Variants in NOL9 observed in about 807,000 individuals in gnomAD.
NOL9 encodes polynucleotide 5'-hydroxyl-kinase NOL9.
NOL9 carries 28 observed loss-of-function variants against 67.9 expected under a neutral mutation model. That is an observed-to-expected ratio of 0.41 (90% confidence interval 0.31 to 0.57). The LOEUF (loss-of-function observed/expected upper bound fraction) is 0.57, where lower values mean the gene tolerates loss of function less well. Among genes scored for constraint, NOL9 ranks in the 20% least tolerant of loss-of-function variants. The probability of loss-of-function intolerance (pLI) is 0.25; values close to 1 mark genes in which losing one functional copy is unlikely to be tolerated. For synonymous variants in NOL9, 356 were observed against 352.2 expected (o/e 1.01, Z -0.12); for missense variants, 777 against 897.0 (o/e 0.87, Z 1.71).
rs1638864140 is a variant in NOL9 at position 6,525,512 on chromosome 1, TG to T, written c.*341del. ...TTCCTTCCTTCTCGGTACATTGTAA[TG>T]GCCCCAGTTTCCTTATTTTTATCCT... On this transcript the variant is annotated 3_prime_UTR_variant, in exon 12 of 12. Coordinates refer to ENST00000377705, the MANE Select transcript of NOL9 (RefSeq NM_024654.5). The T allele has an allele frequency of 4.0e-6, 1 of 252,814 alleles. No individual in the cohort carries two copies. Among genetic ancestry groups the T allele is most frequent in the Non-Finnish European group, 7.6e-6 (1 of 131,312 alleles). The allele number at this position is 252,814 out of a possible 1,614,324, so 15.7% of individuals were successfully genotyped here.
intron 3 of NOL9, chr1:6,549,264 C>T (rs1237746262): frequency 1.3e-5 from 3 of 232,648 alleles, no homozygotes; most frequent in Non-Finnish European, 2.6e-5. Flanking sequence ...CTCAAAAAAA[C>T]GAACCAACCA....
chr1:6,531,911 A>C (rs1639036897), intron 9 of NOL9, 57 bp downstream of exon 9: 3 of 1,402,120 alleles, frequency 2.1e-6, no homozygotes, highest in African/African-American at 2.8e-5. Context: ...CAGCACACAG[A>C]AAACCACACA....
chr1:6,554,507 G>T lies in NOL9; in HGVS notation c.-5C>A, dbSNP rs765164279. On this transcript the variant is annotated 5_prime_UTR_variant, in exon 1 of 12. Transcript: ENST00000377705. ...CAGCAGTCCCGAGTCCGCCATGCTG[G>T]GTCCTCAGGGCCTACCGCGCGAGAA... 5 of 1,528,272 alleles carry T rather than the reference G, an allele frequency of 3.3e-6. No individual in the cohort carries two copies. Among genetic ancestry groups the T allele is most frequent in the South Asian group, 2.4e-5 (2 of 82,922 alleles). 94.7% of individuals were successfully genotyped at this position (1,528,272 alleles called of 1,614,324 possible). A position where few individuals can be genotyped will look rare whatever the true frequency, so the allele number is the denominator to read the frequency against.
chr1:6,532,452 G>T lies in NOL9; in HGVS notation c.1535+11C>A. On this transcript the variant is annotated intron_variant, in intron 8 of 11. Coordinates refer to ENST00000377705, the MANE Select transcript of NOL9 (RefSeq NM_024654.5). ...GAAAAATAATTCTTCAGCCAAATGA[G>T]GGTTAGTTACCTATTTCTTGGAGTT... 1.3e-6 allele frequency: 2 copies of T among 1,599,308 alleles called. No homozygotes were observed. The highest frequency in any genetic ancestry group is 3.4e-5 in the Admixed American group (2 of 58,364).
At position 6,541,914 on chromosome 1, in the gene NOL9, C is replaced by T; in HGVS notation, c.991G>A (p.Asp331Asn). The change falls in exon 6 of 12, where the codon GAC becomes AAC. Residue 331 changes from aspartate to asparagine, a missense_variant. Physicochemically the swap from Asp to Asn is conservative, Grantham distance 23. This residue lies in a region of NOL9 where 413 missense variants were observed against 552.6 expected (regional missense o/e 0.75). Transcript: ENST00000377705. ...TGTCCCAGATCACATTCCAAATAGTCAACGCAGGGAAGACTGCAAATTTTT... is the reference window on the plus strand; with the variant it reads ...TGTCCCAGATCACATTCCAAATAGTTAACGCAGGGAAGACTGCAAATTTTT... ...NHLLNSLPCV[D>N]YLECDLGQTE... 1 of 1,600,662 alleles carries T rather than the reference C, an allele frequency of 6.2e-7. No individual in the cohort carries two copies. Among genetic ancestry groups the T allele is most frequent in the Non-Finnish European group, 8.5e-7 (1 of 1,174,942 alleles).
chr1:6,525,706 C>T lies in NOL9; in HGVS notation c.*148G>A. 1 of 801,166 alleles carries T rather than the reference C, an allele frequency of 1.2e-6. No individual in the cohort carries two copies. The highest frequency in any genetic ancestry group is 2.1e-6 in the Non-Finnish European group (1 of 487,392). 49.6% of individuals were successfully genotyped at this position (801,166 alleles called of 1,614,324 possible). ...GCTTTAAAAGAGAAACTTAAGACTA[C>T]TATATGACATTCACGAATTACACAA... is the stretch of plus-strand genomic sequence containing the variant. On this transcript the variant is annotated 3_prime_UTR_variant, in exon 12 of 12. Coordinates refer to ENST00000377705, the MANE Select transcript of NOL9 (RefSeq NM_024654.5).
chr1:6,529,987 C>T (rs907104315), intron 9 of NOL9, among the ~76,000 whole-genome samples: 8 of 152,012 alleles, frequency 5.3e-5, no homozygotes, highest in East Asian at 1.9e-4. Context: ...AGTGTGGTGG[C>T]GCATGCCTTT....
intron 3 of NOL9, among the ~76,000 whole-genome samples, chr1:6,546,075 C>T (rs1380266997): frequency 6.6e-6 from 1 of 152,140 alleles, no homozygotes; most frequent in Non-Finnish European, 1.5e-5. Context: ...TTATCAATCA[C>T]TGAGGGCAAA....
chr1:6,549,742 T>C (rs1178451686), intron 2 of NOL9, 44 bp from the exon 3 acceptor site: 3 of 1,609,696 alleles, frequency 1.9e-6, no homozygotes, highest in Non-Finnish European at 2.5e-6. Context: ...GTAACTTCAT[T>C]ACATTCCACG....
At position 6,553,054 on chromosome 1, in the gene NOL9, T is replaced by C. The variant is rs939421712; in HGVS notation, c.396+1053A>G. On this transcript the variant is annotated intron_variant, in intron 1 of 11. Transcript: ENST00000377705. ...CTCAAACTCCTGACCTCAGATGATC[T>C]GCCAGCTTCGGCTTCCCAAAGTGCC... Among the ~76,000 whole-genome samples, 6 of 152,292 alleles carry C rather than the reference T, an allele frequency of 3.9e-5. No homozygotes were observed. The East Asian group carries it at 9.6e-4, about 24-fold the overall frequency.
chr1:6,545,548 G>A (rs899734578), intron 3 of NOL9, among the ~76,000 whole-genome samples: 10 of 152,098 alleles, frequency 6.6e-5, no homozygotes, highest in Non-Finnish European at 1.2e-4. Flanking sequence ...AAAAACACAC[G>A]GACAGAACAT....
rs1436634107 is a variant in NOL9, at chr1:6,550,563, T to C, written c.449A>G (p.Gln150Arg). The change falls in exon 2 of 12, where the codon CAG becomes CGG. Residue 150 changes from glutamine to arginine, a missense_variant. By Grantham distance (43) the Gln-to-Arg change is conservative. Transcript: ENST00000377705. ...TTGGCTGATGGTAAAACCAAATACC[T>C]GCACCTGGCCATAGAGGCAAGTCAC... ...CRVTCLYGQV[Q>R]VFGFTISQGQ... 6.2e-7 allele frequency: 1 copy of C among 1,613,802 alleles called. No individual in the cohort carries two copies. Among genetic ancestry groups the C allele is most frequent in the South Asian group, 1.1e-5 (1 of 91,074 alleles).
Position 6,544,525 on chromosome 1 carries a change from A to ACACGAACG in NOL9, c.977+300_977+301insCGTTCGTG, listed in dbSNP as rs1553183956. 3.1e-3 allele frequency among the ~76,000 whole-genome samples: 219 copies of ACACGAACG among 69,532 alleles called. 2 individuals are homozygous for ACACGAACG. The highest frequency in any genetic ancestry group is 0.026 in the Middle Eastern group (4 of 154). The allele number at this position is 69,532 out of a possible 152,430, so 45.6% of individuals were successfully genotyped here. A position where few individuals can be genotyped will look rare whatever the true frequency, so the allele number is the denominator to read the frequency against. On this transcript the variant is annotated intron_variant, in intron 5 of 11. Coordinates refer to ENST00000377705, the MANE Select transcript of NOL9 (RefSeq NM_024654.5). ...ACCCTGTCTGAAAACACACACACAC[A>ACACGAACG]CACGCACGCACACACGCACCCCCCC...
intron 11 of NOL9, 146 bp downstream of exon 11, chr1:6,526,550 G>T: frequency 1.3e-6 from 1 of 781,362 alleles, no homozygotes; most frequent in Non-Finnish European, 2.0e-6. Flanking sequence ...AGGCGGCCCT[G>T]ACACCGTCTC....
intron 1 of NOL9, among the ~76,000 whole-genome samples, chr1:6,551,016 CA>C (rs886284958): frequency 6.0e-4 from 91 of 152,302 alleles, no homozygotes; most frequent in African/African-American, 2.1e-3. Flanking sequence ...ATTCACACAT[CA>C]AAAGGCAGGT....
At chr1:6,548,992 G>A (rs1639482217) in intron 3 of NOL9, among the ~76,000 whole-genome samples, 1 of 152,106 alleles carries the variant, frequency 6.6e-6, no homozygotes, top group African/African-American at 2.4e-5. Flanking sequence ...TGAGGCAGAA[G>A]AATCACTTCA....
intron 6 of NOL9, among the ~76,000 whole-genome samples, chr1:6,535,052 C>T (rs900359269): frequency 1.3e-5 from 2 of 152,130 alleles, no homozygotes; most frequent in Non-Finnish European, 2.9e-5. Flanking sequence ...TCAAGTGATC[C>T]GCCTGCCTCG....
intron 9 of NOL9, among the ~76,000 whole-genome samples, chr1:6,530,247 G>A (rs1638991259): frequency 6.6e-6 from 1 of 152,080 alleles, no homozygotes; most frequent in Non-Finnish European, 1.5e-5. Flanking sequence ...GAGGTCAGGA[G>A]TTCGAGACCA....
chr1:6,540,358 G>A (rs1193194714), intron 6 of NOL9, among the ~76,000 whole-genome samples: 4 of 151,788 alleles, frequency 2.6e-5, no homozygotes, highest in Admixed American at 6.6e-5. Context: ...TCCTAACCTC[G>A]TGATCCACCC....
Sources: gnomAD v4.1 joint callset for allele counts (sites outside exome capture counted in the v4.1 genomes callset) on GRCh38, gnomAD v4.1.1 for gene constraint, gnomAD v4.1.1 regional missense constraint, MANE v1.5 for transcripts, NCBI Gene and HGNC (gene_info 2026-07-23, HGNC 2026-07-21) for gene names.